MACROD2: variants seen among roughly 807,000 people sequenced by gnomAD.
The protein encoded by MACROD2 is ADP-ribose glycohydrolase MACROD2.
A neutral mutation model predicts 70.4 loss-of-function variants in MACROD2; 36 were observed. The ratio of observed to expected loss-of-function variants is 0.51; its 90% CI spans 0.39 to 0.68. The LOEUF (loss-of-function observed/expected upper bound fraction) is 0.68. Ranked by LOEUF, MACROD2 falls within the 30% of genes least tolerant of loss-of-function variation. The pLI is 0.00. For missense variants in MACROD2, 496 were observed against 538.4 expected, an observed-to-expected ratio of 0.92 and a Z score of 0.78; for synonymous variants, 172 against 178.8, an observed-to-expected ratio of 0.96 and a Z score of 0.30.
At chr20:15,804,992 C>T (rs1425042422) in intron 8 of MACROD2, among the ~76,000 whole-genome samples, 1 of 152,190 alleles carries the variant, frequency 6.6e-6, no homozygotes, top group Admixed American at 6.5e-5. Flanking sequence ...AGATTGCACT[C>T]GCGTTGCCCA....
chr20:15,963,295 C>T (rs2066090608), intron 12 of MACROD2, among the ~76,000 whole-genome samples: 1 of 152,088 alleles, frequency 6.6e-6, no homozygotes, highest in Admixed American at 6.6e-5. Context: ...GGTTCAGACC[C>T]ATTAGAAGTT....
chr20:15,982,278 C>T (rs190168931), intron 13 of MACROD2, among the ~76,000 whole-genome samples: 39 of 152,172 alleles, frequency 2.6e-4, no homozygotes, highest in Non-Finnish European at 4.7e-4. Flanking sequence ...TTTTGGAGTT[C>T]CTAGGCATTT....
intron 6 of MACROD2, among the ~76,000 whole-genome samples, chr20:15,357,823 T>C (rs1400029804): frequency 4.5e-5 from 6 of 132,494 alleles, no homozygotes; most frequent in African/African-American, 1.5e-4. Context: ...TTTTTTTTTT[T>C]CAAGACAGAG....
At chr20:15,121,343 C>T (rs756740195) in intron 5 of MACROD2, among the ~76,000 whole-genome samples, 2 of 151,626 alleles carry the variant, frequency 1.3e-5, no homozygotes, top group Non-Finnish European at 2.9e-5. Context: ...GAAACCCTGT[C>T]GCTACAAAAA....
intron 3 of MACROD2, among the ~76,000 whole-genome samples, chr20:14,287,904 C>T (rs901290357): frequency 6.6e-6 from 1 of 152,070 alleles, no homozygotes; most frequent in Non-Finnish European, 1.5e-5. Flanking sequence ...TCCTCCCAGC[C>T]ATCCCTGGGA....
intron 3 of MACROD2, among the ~76,000 whole-genome samples, chr20:14,253,623 T>A (rs1247688630): frequency 6.6e-6 from 1 of 152,118 alleles, no homozygotes; most frequent in Non-Finnish European, 1.5e-5. Flanking sequence ...TCTTATTCTC[T>A]ACACTTCCTT....
At chr20:14,331,514 G>T (rs1414849407) in intron 3 of MACROD2, among the ~76,000 whole-genome samples, 1 of 152,002 alleles carries the variant, frequency 6.6e-6, no homozygotes, top group African/African-American at 2.4e-5. Context: ...TCCCCACATT[G>T]TATTAAAATA....
chr20:14,544,712 G>A (rs2085471824), intron 4 of MACROD2, among the ~76,000 whole-genome samples: 1 of 152,068 alleles, frequency 6.6e-6, no homozygotes, highest in Admixed American at 6.6e-5. Flanking sequence ...GGCAGAGAAG[G>A]AAAAAAGCCA....
intron 5 of MACROD2, among the ~76,000 whole-genome samples, chr20:15,195,164 A>G: frequency 6.6e-6 from 1 of 152,230 alleles, no homozygotes; most frequent in East Asian, 1.9e-4. Context: ...CATTCAGGAC[A>G]TAGGCATAGG....
chr20:14,230,129 T>C (rs1458878748), intron 3 of MACROD2, among the ~76,000 whole-genome samples: 1 of 152,188 alleles, frequency 6.6e-6, no homozygotes, highest in Non-Finnish European at 1.5e-5. Context: ...TGGCTCATTG[T>C]TGATCAGGGT....
rs993338531 is a variant in MACROD2, at chr20:14,837,513, G to A, written c.418+152554G>A. On this transcript the variant is annotated intron_variant, in intron 5 of 17. Transcript: ENST00000684519. ...AATAATGTGTTTCCTCCCAGTAATT[G>A]CGTTTCTTTGTAAATGTCTGTCCTT... is the stretch of plus-strand genomic sequence containing the variant. 3.3e-5 allele frequency among the ~76,000 whole-genome samples: 5 copies of A among 151,958 alleles called. No individual in the cohort carries two copies. The East Asian group carries it at 9.6e-4, about 29-fold the overall frequency.
chr20:14,099,390 A>C (rs2054269259), intron 3 of MACROD2, among the ~76,000 whole-genome samples: 1 of 152,076 alleles, frequency 6.6e-6, no homozygotes, highest in South Asian at 2.1e-4. Flanking sequence ...AACGTGGATT[A>C]CTTTTGCCTG....
At chr20:15,457,048 C>T (rs1282712033) in intron 7 of MACROD2, among the ~76,000 whole-genome samples, 3 of 104,364 alleles carry the variant, frequency 2.9e-5, no homozygotes, top group Non-Finnish European at 1.8e-5. Context: ...TTTTTCTTTC[C>T]TTTCTTCTTT....
rs1205618779 is a variant in MACROD2 at position 14,929,548 on chromosome 20, G to C, written c.418+244589G>C. 1.3e-5 allele frequency: 2 copies of C among 152,098 alleles called. 1 individual carries two copies. Among genetic ancestry groups the C allele is most frequent in the Non-Finnish European group, 2.9e-5 (2 of 68,044 alleles). The allele number at this position is 152,098 out of a possible 1,614,324, so 9.4% of individuals were successfully genotyped here. On this transcript the variant is annotated intron_variant, in intron 5 of 17. Coordinates refer to ENST00000684519, the MANE Select transcript of MACROD2 (RefSeq NM_001351661.2). ...AACCCCTTTATTTGGAGTTTTTGTG[G>C]GGGTTCCATTACATAGGTGTGATTG...
chr20:14,961,489 C>T (rs1314936655), intron 5 of MACROD2, among the ~76,000 whole-genome samples: 1 of 152,114 alleles, frequency 6.6e-6, no homozygotes, highest in East Asian at 1.9e-4. Context: ...AACATTATGT[C>T]ATTTTTACAG....
intron 5 of MACROD2, among the ~76,000 whole-genome samples, chr20:15,178,863 A>G (rs904153431): frequency 3.9e-5 from 6 of 152,174 alleles, no homozygotes; most frequent in African/African-American, 1.4e-4. Context: ...ATGGCTCTCT[A>G]TGCTTTGTGG....
intron 5 of MACROD2, among the ~76,000 whole-genome samples, chr20:14,983,797 T>C (rs1285007274): frequency 6.6e-6 from 1 of 152,222 alleles, no homozygotes; most frequent in Non-Finnish European, 1.5e-5. Flanking sequence ...TACACTTGTG[T>C]GTTTTAAATA....
chr20:15,679,461 C>A (rs2050129823), intron 8 of MACROD2, among the ~76,000 whole-genome samples: 1 of 148,668 alleles, frequency 6.7e-6, no homozygotes, highest in South Asian at 2.2e-4. Context: ...CCATGAACTG[C>A]ACCCCCCAAG....
intron 9 of MACROD2, among the ~76,000 whole-genome samples, chr20:15,867,789 G>A (rs13042482): frequency 0.055 from 8,352 of 152,028 alleles, 350 homozygotes; most frequent in East Asian, 0.16. Context: ...GGTTTATAAC[G>A]GTATTAAAGA....
Sources: gnomAD v4.1 joint callset for allele counts (sites outside exome capture counted in the v4.1 genomes callset) on GRCh38, gnomAD v4.1.1 for gene constraint, MANE v1.5 for transcripts, NCBI Gene and HGNC (gene_info 2026-07-23, HGNC 2026-07-21) for gene names.